The following LINGO2 variants were observed in gnomAD, a reference collection of about 807,000 sequenced individuals.
The protein encoded by LINGO2 is leucine rich repeat and Ig domain containing 2, also known as leucine-rich repeat and immunoglobulin-like domain-containing nogo receptor-interacting protein 2.
Under a neutral mutation model 30.6 loss-of-function variants are expected in LINGO2, and 14 were observed. That is an observed-to-expected ratio of 0.46 (90% CI 0.30 to 0.72). LINGO2 has a LOEUF of 0.72. LINGO2 is among the 30% of genes least tolerant of loss of function. LINGO2 has a pLI of 0.07. For missense variants in LINGO2, 729 were observed against 751.7 expected, an observed-to-expected ratio of 0.97 and a Z score of 0.35; for synonymous variants, 317 against 288.5, an observed-to-expected ratio of 1.10 and a Z score of -1.00.
chr9:28,674,266 T>C (rs1829136712), upstream of LINGO2, among the ~76,000 whole-genome samples: 1 of 150,734 alleles, frequency 6.6e-6, no homozygotes, highest in African/African-American at 2.5e-5. Flanking sequence ...TATACAATAA[T>C]GTAATAATCT....
the LINGO2 span, among the ~76,000 whole-genome samples, chr9:28,706,822 T>C: frequency 4.6e-5 from 7 of 152,134 alleles, no homozygotes; most frequent in Admixed American, 1.3e-4. Context: ...CTTTAGGTTC[T>C]CAAACTATTA....
intron 1 of LINGO2, among the ~76,000 whole-genome samples, chr9:28,485,328 G>T (rs117618345): frequency 2.6e-5 from 4 of 151,974 alleles, no homozygotes; most frequent in Admixed American, 1.3e-4. Flanking sequence ...ATGGCACTCC[G>T]GATGATACAA....
downstream of LINGO2, chr9:27,948,003 T>C (rs1823434542): frequency 1.3e-5 from 2 of 152,222 alleles, no homozygotes; most frequent in South Asian, 4.1e-4. Flanking sequence ...TGTACCACCT[T>C]CTGGAGAAAC....
the LINGO2 span, among the ~76,000 whole-genome samples, chr9:29,046,617 G>A: frequency 2.6e-5 from 4 of 152,140 alleles, no homozygotes; most frequent in African/African-American, 9.6e-5. Context: ...AAAATTACAT[G>A]TAAAACCCAA....
chr9:28,070,501 G>C (rs934602623), intron 4 of LINGO2, among the ~76,000 whole-genome samples: 1 of 152,070 alleles, frequency 6.6e-6, no homozygotes, highest in African/African-American at 2.4e-5. Flanking sequence ...ATCCCAGGAT[G>C]GCTTTTCCAT....
intron 1 of LINGO2, among the ~76,000 whole-genome samples, chr9:28,648,063 A>G (rs1447817294): frequency 6.6e-6 from 1 of 151,946 alleles, no homozygotes; most frequent in South Asian, 2.1e-4. Flanking sequence ...CAGAATGAAA[A>G]GTATCCTGGA....
chr9:29,103,783 C>A, the LINGO2 span, among the ~76,000 whole-genome samples: 3 of 152,128 alleles, frequency 2.0e-5, no homozygotes, highest in Non-Finnish European at 4.4e-5. Flanking sequence ...ATTTCATGGT[C>A]AATTTTTAAA....
chr9:28,066,793 G>A (rs1825326417), intron 4 of LINGO2, among the ~76,000 whole-genome samples: 1 of 152,014 alleles, frequency 6.6e-6, no homozygotes, highest in South Asian at 2.1e-4. Flanking sequence ...GACAGTCTAG[G>A]CTGTCAATAT....
At chr9:29,178,039 T>C in the LINGO2 span, among the ~76,000 whole-genome samples, 1 of 151,828 alleles carries the variant, frequency 6.6e-6, no homozygotes, top group Non-Finnish European at 1.5e-5. Flanking sequence ...TTTTTCCTAA[T>C]ACTTTTATTT....
At chr9:28,599,727 A>G (rs1345800565) in intron 1 of LINGO2, among the ~76,000 whole-genome samples, 1 of 152,194 alleles carries the variant, frequency 6.6e-6, no homozygotes, top group African/African-American at 2.4e-5. Flanking sequence ...ATTAGTCTAA[A>G]AAGCACTTGC....
At chr9:29,101,143 T>G in the LINGO2 span, among the ~76,000 whole-genome samples, 3 of 152,172 alleles carry the variant, frequency 2.0e-5, no homozygotes, top group Non-Finnish European at 4.4e-5. Context: ...GTCATTTAAT[T>G]TATTAGGGGT....
the LINGO2 span, among the ~76,000 whole-genome samples, chr9:29,054,125 C>G: frequency 2.6e-5 from 4 of 152,052 alleles, no homozygotes; most frequent in Non-Finnish European, 5.9e-5. Context: ...ATTTAATGAG[C>G]TAAAAATTTG....
the LINGO2 span, among the ~76,000 whole-genome samples, chr9:28,941,316 A>C: frequency 6.6e-6 from 1 of 152,252 alleles, no homozygotes; most frequent in South Asian, 2.1e-4. Context: ...ATGCTGCAAT[A>C]ATAATTTTAC....
chr9:28,184,568 G>T (rs1156897590), intron 4 of LINGO2, among the ~76,000 whole-genome samples: 1 of 150,412 alleles, frequency 6.6e-6, no homozygotes, highest in African/African-American at 2.4e-5. Flanking sequence ...AAAGGGGGAG[G>T]AAGGAGGGTA....
intron 3 of LINGO2, among the ~76,000 whole-genome samples, chr9:28,341,769 C>G (rs1391562633): frequency 1.3e-5 from 2 of 152,166 alleles, no homozygotes; most frequent in African/African-American, 2.4e-5. Flanking sequence ...GACTGGCCTC[C>G]TGACTCAAAA....
chr9:28,637,807 C>A (rs1210035252), intron 1 of LINGO2, among the ~76,000 whole-genome samples: 3 of 152,072 alleles, frequency 2.0e-5, no homozygotes, highest in Admixed American at 6.6e-5. Context: ...ATTGAATACC[C>A]TTTATTTCTT....
At chr9:28,330,076 C>A (rs1188784524) in intron 3 of LINGO2, among the ~76,000 whole-genome samples, 1 of 152,050 alleles carries the variant, frequency 6.6e-6, no homozygotes, top group Non-Finnish European at 1.5e-5. Flanking sequence ...GAGAATGGCA[C>A]CCTCATGATG....
chr9:28,428,291 G>T (rs941323726), intron 2 of LINGO2, among the ~76,000 whole-genome samples: 3 of 152,070 alleles, frequency 2.0e-5, no homozygotes, highest in African/African-American at 7.2e-5. Context: ...GATTCTTTGG[G>T]CAATCTTTGA....
intron 4 of LINGO2, among the ~76,000 whole-genome samples, chr9:28,165,725 A>G (rs973100246): frequency 1.3e-5 from 2 of 152,198 alleles, no homozygotes; most frequent in African/African-American, 4.8e-5. Flanking sequence ...CTTCCGCTCA[A>G]TTATTTTAGT....
Sources: allele counts gnomAD v4.1 joint callset (sites outside exome capture counted in the v4.1 genomes callset), GRCh38; gene constraint gnomAD v4.1.1; transcripts MANE v1.5; gene names NCBI Gene and HGNC (gene_info 2026-07-23, HGNC 2026-07-21).